Variants in ZNF215 observed in about 807,000 individuals in gnomAD.
The protein encoded by ZNF215 is BWSCR2-associated zinc finger protein 2.
A neutral mutation model predicts 27.2 loss-of-function variants in ZNF215; 24 were observed. The observed-to-expected ratio is 0.88, with a 90% CI of 0.64 to 1.24. The LOEUF (loss-of-function observed/expected upper bound fraction) is 1.24. ZNF215 is among the 50% of genes most tolerant of loss of function. The pLI is 0.00. For missense variants in ZNF215, 675 were observed against 605.7 expected, an observed-to-expected ratio of 1.11 and a Z score of -1.20; for synonymous variants, 210 against 204.0, an observed-to-expected ratio of 1.03 and a Z score of -0.25.
downstream of ZNF215, among the ~76,000 whole-genome samples, chr11:6,962,401 G>A (rs1018437663): frequency 5.9e-5 from 9 of 152,142 alleles, no homozygotes; most frequent in Non-Finnish European, 8.8e-5. Context: ...AAAGTGGAGA[G>A]TGGATCTAGA....
chr11:6,944,379 A>G (rs2133228617), intron 6 of ZNF215, among the ~76,000 whole-genome samples: 1 of 151,220 alleles, frequency 6.6e-6, no homozygotes, highest in South Asian at 2.1e-4. Flanking sequence ...ATTTCTAGTA[A>G]TCTTCCATTT....
At chr11:6,951,361 C>T (rs1313745825) in intron 6 of ZNF215, among the ~76,000 whole-genome samples, 1 of 152,026 alleles carries the variant, frequency 6.6e-6, no homozygotes, top group Non-Finnish European at 1.5e-5. Flanking sequence ...TCCATCTGGT[C>T]CTGGACTCTT....
intron 2 of ZNF215, among the ~76,000 whole-genome samples, chr11:6,930,517 C>T (rs1464988538): frequency 6.6e-6 from 1 of 152,180 alleles, no homozygotes; most frequent in Non-Finnish European, 1.5e-5. Context: ...TCTTACCACT[C>T]ATCTGCCATT....
chr11:6,940,357 T>C (rs1160816776), intron 3 of ZNF215, among the ~76,000 whole-genome samples: 1 of 152,012 alleles, frequency 6.6e-6, no homozygotes, highest in Non-Finnish European at 1.5e-5. Flanking sequence ...AGGGCTGGAG[T>C]GTGGTGGTGC....
At chr11:6,954,089 C>G (rs956195967) in intron 6 of ZNF215, among the ~76,000 whole-genome samples, 4 of 152,186 alleles carry the variant, frequency 2.6e-5, no homozygotes, top group African/African-American at 9.7e-5. Flanking sequence ...GATCGTTTCT[C>G]TGGAAGTTTT....
At chr11:6,985,978 A>G (rs1851049341), downstream of ZNF215, among the ~76,000 whole-genome samples, 1 of 152,186 alleles carries the variant, frequency 6.6e-6, no homozygotes, top group Non-Finnish European at 1.5e-5. Flanking sequence ...ATTCAACACT[A>G]TTCCTATTAA....
intron 6 of ZNF215, among the ~76,000 whole-genome samples, chr11:6,946,227 G>A (rs187229363): frequency 2.2e-3 from 333 of 152,146 alleles, no homozygotes; most frequent in Non-Finnish European, 3.9e-3. Context: ...TATTATTGCC[G>A]CAACTCCAAT....
chr11:6,941,462 A>T, intron 3 of ZNF215, 109 bp from the exon 4 acceptor site: 1 of 937,284 alleles, frequency 1.1e-6, no homozygotes, highest in Non-Finnish European at 1.6e-6. Flanking sequence ...TATTTTTTTC[A>T]AAGTTCTATG....
At chr11:6,972,708 A>G (rs1331784006) in intron 5 of ZNF215, among the ~76,000 whole-genome samples, 1 of 152,192 alleles carries the variant, frequency 6.6e-6, no homozygotes, top group Non-Finnish European at 1.5e-5. Context: ...CTTCCCTGGC[A>G]AATGCCAAAG....
intron 6 of ZNF215, among the ~76,000 whole-genome samples, chr11:6,946,754 T>C (rs777396349): frequency 1.3e-5 from 2 of 152,234 alleles, no homozygotes; most frequent in Non-Finnish European, 1.5e-5. Flanking sequence ...CTGTGAATAT[T>C]TGTCTCCCAC....
intron 5 of ZNF215, among the ~76,000 whole-genome samples, chr11:6,967,724 C>T (rs757491671): frequency 6.6e-6 from 1 of 152,054 alleles, no homozygotes; most frequent in African/African-American, 2.4e-5. Flanking sequence ...AAATTTTCTT[C>T]CATTCTGTAG....
chr11:6,964,344 A>T (rs1397562748), intron 5 of ZNF215, among the ~76,000 whole-genome samples: 3 of 152,090 alleles, frequency 2.0e-5, no homozygotes, highest in Non-Finnish European at 4.4e-5. Flanking sequence ...TTTCACTGTC[A>T]TACCTAAAAT....
intron 1 of ZNF215, among the ~76,000 whole-genome samples, 189 bp from the exon 2 acceptor site, chr11:6,927,473 T>C (rs545781901): frequency 6.6e-6 from 1 of 152,286 alleles, no homozygotes; most frequent in Admixed American, 6.5e-5. Context: ...TCGAGTTCCT[T>C]GCGGCCATAA....
chr11:6,956,428 A>C lies in ZNF215; in HGVS notation c.1451A>C (p.His484Pro). Reference protein sequence around the residue: ...SSSLIRHQMIHTGEKPFKCKE... With the variant: ...SSSLIRHQMIPTGEKPFKCKE... The stretch of plus-strand genomic sequence containing the variant: ...TCTCTTATTCGACACCAAATGATTC[A>C]CACGGGAGAGAAACCATTCAAATGT... The change falls in exon 7 of 7, where the codon CAC (histidine) becomes CCC (proline). Residue 484 changes from histidine (H) to proline (P), a missense_variant. His to Pro is a moderately conservative substitution (Grantham distance 77). Transcript: ENST00000278319. 4 of 1,614,206 alleles carry C rather than the reference A, an allele frequency of 2.5e-6. No homozygotes were observed. Among genetic ancestry groups the C allele is most frequent in the Non-Finnish European group, 3.4e-6 (4 of 1,180,032 alleles).
At chr11:6,955,607 G>A in intron 6 of ZNF215, 83 bp from the exon 7 acceptor site, 1 of 1,434,534 alleles carries the variant, frequency 7.0e-7, no homozygotes, top group Non-Finnish European at 9.2e-7. Context: ...CGTGGTATAT[G>A]CATATACCTT....
At chr11:6,964,154 T>A (rs1211860439) in intron 5 of ZNF215, among the ~76,000 whole-genome samples, 1 of 152,010 alleles carries the variant, frequency 6.6e-6, no homozygotes, top group Non-Finnish European at 1.5e-5. Flanking sequence ...TTAAATCTAG[T>A]TGTTAAGTTT....
intron 5 of ZNF215, among the ~76,000 whole-genome samples, chr11:6,980,474 T>C (rs1850924761): frequency 6.6e-6 from 1 of 152,066 alleles, no homozygotes; most frequent in Non-Finnish European, 1.5e-5. Flanking sequence ...CCGTTTTCAA[T>C]GTTTGAATTA....
intron 6 of ZNF215, among the ~76,000 whole-genome samples, chr11:6,945,259 C>T (rs1357017488): frequency 2.6e-5 from 4 of 152,062 alleles, no homozygotes; most frequent in Non-Finnish European, 5.9e-5. Flanking sequence ...GTGCTTTGGA[C>T]CTCATTTGTC....
intron 2 of ZNF215, among the ~76,000 whole-genome samples, chr11:6,929,219 T>C (rs1432597437): frequency 2.0e-5 from 3 of 152,190 alleles, no homozygotes; most frequent in Admixed American, 2.0e-4. Flanking sequence ...GGAGCTTGCA[T>C]TCACAGAGAA....
Sources: gnomAD v4.1 joint callset for allele counts (sites outside exome capture counted in the v4.1 genomes callset) on GRCh38, gnomAD v4.1.1 for gene constraint, MANE v1.5 for transcripts, NCBI Gene and HGNC (gene_info 2026-07-23, HGNC 2026-07-21) for gene names.